The following C2CD4D variants were observed in gnomAD, a reference collection of about 807,000 sequenced individuals.
The protein encoded by C2CD4D is C2 calcium dependent domain containing 4D.
C2CD4D carries 1 observed loss-of-function variant against 0.2 expected under a neutral mutation model. That is an observed-to-expected ratio of 4.00 (90% confidence interval 1.42 to 18.99). The LOEUF (loss-of-function observed/expected upper bound fraction) is 18.99, where lower values mean the gene tolerates loss of function less well. Among genes scored for constraint, C2CD4D ranks in the 30% most tolerant of loss-of-function variants. The pLI, the probability that C2CD4D is intolerant of heterozygous loss-of-function variation, is 0.11. For synonymous variants in C2CD4D, 269 were observed against 279.8 expected, an observed-to-expected ratio of 0.96 and a Z score of 0.39; for missense variants, 552 against 551.2, an observed-to-expected ratio of 1.00 and a Z score of -0.01.
At chr1:151,838,999 G>T (rs1025675883) in exon 2 of C2CD4D, 1 of 1,549,002 alleles carries the variant, frequency 6.5e-7, no homozygotes, top group Non-Finnish European at 8.7e-7. Flanking sequence ...TGCGGTGGGT[G>T]GGGTAATGGA....
Position 151,838,134 on chromosome 1 carries a change from A to C in C2CD4D, c.856T>G (p.Phe286Val), listed in dbSNP as rs1044880314. The stretch of plus-strand genomic sequence containing the variant: ...CCGTCGAAAAAGAAATCCTCGTTGA[A>C]GATGGGGTTGGCGCTGCACTTGACC... Residue 286 changes from phenylalanine to valine, a missense_variant, in exon 2 of 2, where the codon TTC becomes GTC. Phe to Val is a conservative substitution (Grantham distance 50, BLOSUM62 -1). Transcript: ENST00000454109. 23 of 1,547,554 alleles carry C rather than the reference A, an allele frequency of 1.5e-5. No individual in the cohort carries two copies. Among genetic ancestry groups the C allele is most frequent in the Non-Finnish European group, 1.7e-5 (20 of 1,144,682 alleles).
chr1:151,838,326 GC>G lies in C2CD4D; in HGVS notation c.663del (p.Arg222GlyfsTer17). 7.1e-7 allele frequency: 1 copy of G among 1,410,648 alleles called. No homozygotes were observed. Among genetic ancestry groups the G allele is most frequent in the Non-Finnish European group, 9.3e-7 (1 of 1,077,114 alleles). The allele number at this position is 1,410,648 out of a possible 1,614,324, so 87.4% of individuals were successfully genotyped here. A position where few individuals can be genotyped will look rare whatever the true frequency, so the allele number is the denominator to read the frequency against. On this transcript the variant is annotated frameshift_variant, in exon 2 of 2. Coordinates refer to ENST00000454109, the Ensembl canonical transcript of C2CD4D. LOFTEE classifies it low-confidence loss of function (END_TRUNC). ...CCGGCCTGATATTCGGTGGAGAGCC[GC>G]AGCTGCCCGCCGCGGGGCCCCAGGC...
chr1:151,838,516 C>A, exon 2 of C2CD4D: 1 of 1,356,278 alleles, frequency 7.4e-7, no homozygotes, highest in Non-Finnish European at 9.4e-7. Context: ...GGCGCCGGCC[C>A]AGGCCTGGCC....
intron 1 of C2CD4D, among the ~76,000 whole-genome samples, chr1:151,839,436 C>G (rs1652713777): frequency 1.3e-5 from 2 of 152,214 alleles, no homozygotes; most frequent in African/African-American, 2.4e-5. Context: ...CCCAACCCCC[C>G]TGGGACACTG....
intron 1 of C2CD4D, 75 bp from the exon 2 acceptor site, chr1:151,839,295 G>C: frequency 2.3e-6 from 1 of 442,426 alleles, no homozygotes; most frequent in Non-Finnish European, 4.0e-6. Flanking sequence ...CAAGTACACA[G>C]ATTCTCCCAC....
chr1:151,840,095 GC>G (rs1226804802), intron 1 of C2CD4D: 1 of 152,326 alleles, frequency 6.6e-6, no homozygotes, highest in Non-Finnish European at 1.5e-5. Flanking sequence ...CTGGCCTCAG[GC>G]CCTGAAACTT....
chr1:151,838,066 C>T (rs756189849), exon 2 of C2CD4D: 10 of 1,551,522 alleles, frequency 6.4e-6, no homozygotes, highest in Non-Finnish European at 8.7e-6. Context: ...TGTCTAGCAC[C>T]TTGGCTCTCA....
At chr1:151,838,604 G>T (rs1037125976) in exon 2 of C2CD4D, 71 of 1,315,048 alleles carry the variant, frequency 5.4e-5, no homozygotes, top group Non-Finnish European at 6.8e-5. Flanking sequence ...CAGGTCCGGG[G>T]CGGAGACGTG....
At chr1:151,837,921 G>A in exon 2 of C2CD4D, 1 of 1,514,266 alleles carries the variant, frequency 6.6e-7, no homozygotes, top group South Asian at 1.3e-5. Flanking sequence ...GAAGCCAGGG[G>A]CTCAGGCTAC....
Position 151,838,915 on chromosome 1 carries a change from CAGGCCGGA to C in C2CD4D, c.67_74del (p.Ser23ValfsTer331). ...GGCCCGGGGCGCGACGCTTGGAGAA[CAGGCCGGA>C]AGGCGCCCAACGGGCCGCAGGCTCC... On this transcript the variant is annotated frameshift_variant, in exon 2 of 2. Coordinates refer to ENST00000454109, the Ensembl canonical transcript of C2CD4D. LOFTEE classifies it low-confidence loss of function (END_TRUNC). The C allele has an allele frequency of 6.5e-7, 1 of 1,549,096 alleles. No individual in the cohort carries two copies. Among genetic ancestry groups the C allele is most frequent in the Non-Finnish European group, 8.7e-7 (1 of 1,146,230 alleles).
exon 2 of C2CD4D, chr1:151,839,054 A>G (rs1460761303): frequency 6.6e-7 from 1 of 1,516,538 alleles, no homozygotes; most frequent in Non-Finnish European, 8.9e-7. Context: ...CCCGTCTCAG[A>G]TGGGAGTGCT....
At chr1:151,838,349 A>C in exon 2 of C2CD4D, 1 of 1,422,148 alleles carries the variant, frequency 7.0e-7, no homozygotes, top group Non-Finnish European at 9.2e-7. Flanking sequence ...GCGGGGCCCC[A>C]GGCGCAGCAC....
chr1:151,837,818 T>A, downstream of C2CD4D: 1 of 1,423,738 alleles, frequency 7.0e-7, no homozygotes. Context: ...AATATCTGGC[T>A]AAGGACAAGG....
chr1:151,838,146 C>T (rs1463207904), exon 2 of C2CD4D: 1 of 1,551,248 alleles, frequency 6.4e-7, no homozygotes, highest in African/African-American at 1.4e-5. Flanking sequence ...ATGGGGTTGG[C>T]GCTGCACTTG....
chr1:151,838,422 G>A, exon 2 of C2CD4D: 1 of 1,423,362 alleles, frequency 7.0e-7, no homozygotes. Flanking sequence ...GGCGGCGTGG[G>A]CGGCCCGGCG....
At chr1:151,838,413 G>A in exon 2 of C2CD4D, 2 of 1,430,530 alleles carry the variant, frequency 1.4e-6, no homozygotes, top group Non-Finnish European at 1.8e-6. Context: ...TGGAAGAGCG[G>A]CGGCGTGGGC....
chr1:151,838,784 C>T (rs1652675533), exon 2 of C2CD4D: 8 of 1,352,464 alleles, frequency 5.9e-6, no homozygotes, highest in South Asian at 1.9e-5. Flanking sequence ...CGCCACGTGC[C>T]GCCGGGCCGC....
chr1:151,838,524 G>C, exon 2 of C2CD4D: 1 of 1,345,560 alleles, frequency 7.4e-7, no homozygotes, highest in East Asian at 3.1e-5. Context: ...CCCAGGCCTG[G>C]CCGCGGGGAG....
intron 1 of C2CD4D, 136 bp from the exon 2 acceptor site, chr1:151,839,356 T>G: frequency 3.7e-6 from 1 of 269,610 alleles, no homozygotes; most frequent in Non-Finnish European, 7.0e-6. Flanking sequence ...CCATATAGTA[T>G]CCACCAGAAC....
Sources: gnomAD v4.1 joint callset for allele counts (sites outside exome capture counted in the v4.1 genomes callset) on GRCh38, gnomAD v4.1.1 for gene constraint, MANE v1.5 for transcripts, NCBI Gene and HGNC (gene_info 2026-07-23, HGNC 2026-07-21) for gene names.